Variants in WFDC5 observed in about 807,000 individuals in gnomAD.
WFDC5 encodes WAP four-disulfide core domain 5.
WFDC5 carries 15 observed loss-of-function variants against 15.7 expected under a neutral mutation model. The ratio of observed to expected loss-of-function variants is 0.96; its 90% CI spans 0.64 to 1.47. The LOEUF (loss-of-function observed/expected upper bound fraction) is 1.47. Among genes scored for constraint, WFDC5 ranks in the 40% most tolerant of loss-of-function variants. The pLI, the probability that WFDC5 is intolerant of heterozygous loss-of-function variation, is 0.00. For missense variants in WFDC5, 280 were observed against 258.0 expected, an observed-to-expected ratio of 1.09 and a Z score of -0.59; for synonymous variants, 109 against 107.7, an observed-to-expected ratio of 1.01 and a Z score of -0.07.
chr20:45,109,709 A>T (rs1270539938), exon 4 of WFDC5: 1 of 713,462 alleles, frequency 1.4e-6, no homozygotes, highest in African/African-American at 1.7e-5. Flanking sequence ...AGGAAGCAGC[A>T]TGTACGGATT....
At chr20:45,109,542 C>T (rs112924458) in exon 4 of WFDC5, 346 of 577,360 alleles carry the variant, frequency 6.0e-4, no homozygotes, top group Middle Eastern at 5.1e-3. Context: ...GTACAGGCAG[C>T]GTGCAACCTA....
chr20:45,113,911 C>T (rs890255739), intron 1 of WFDC5, among the ~76,000 whole-genome samples: 1 of 152,182 alleles, frequency 6.6e-6, no homozygotes, highest in South Asian at 2.1e-4. Flanking sequence ...TTGTCCTGTA[C>T]AGTCCTGGGT....
At position 45,115,125 on chromosome 20, in the gene WFDC5, C is replaced by T. The variant is rs1981726332; in HGVS notation, c.-42G>A. ...CAGGGCCCAGGGCCCCCCAGATTAACACCTGCAGCCTCAGGGAAGCCAGAG... is the reference window on the plus strand; with the variant it reads ...CAGGGCCCAGGGCCCCCCAGATTAATACCTGCAGCCTCAGGGAAGCCAGAG... On this transcript the variant is annotated 5_prime_UTR_variant, in exon 1 of 4. Coordinates refer to ENST00000307971, the Ensembl canonical transcript of WFDC5. The T allele has an allele frequency of 6.9e-6, 11 of 1,585,022 alleles. No homozygotes were observed. In the East Asian group the frequency reaches 1.8e-4, roughly 26 times the overall value.
At chr20:45,111,410 C>T (rs776554306) in intron 1 of WFDC5, among the ~76,000 whole-genome samples, 4 of 152,038 alleles carry the variant, frequency 2.6e-5, no homozygotes, top group African/African-American at 7.2e-5. Context: ...CTTTGCTCAC[C>T]GTTGGTCCAT....
intron 3 of WFDC5, 169 bp downstream of exon 3, chr20:45,110,231 C>G (rs1600607403): frequency 1.6e-6 from 2 of 1,288,650 alleles, no homozygotes; most frequent in East Asian, 5.1e-5. Flanking sequence ...CTCCCGGGTC[C>G]TCTGTCATCC....
chr20:45,110,987 A>G (rs978687447), intron 1 of WFDC5, among the ~76,000 whole-genome samples: 2 of 152,204 alleles, frequency 1.3e-5, no homozygotes, highest in Admixed American at 6.5e-5. Context: ...TGAGACTCAG[A>G]TGGCACAAAT....
chr20:45,109,784 C>G (rs766110669), exon 4 of WFDC5: 1 of 727,786 alleles, frequency 1.4e-6, no homozygotes, highest in South Asian at 1.5e-5. Context: ...TGGGGTGATA[C>G]AGAGGCCTTC....
At chr20:45,110,413 C>T (rs767924506) in exon 3 of WFDC5, 11 of 1,605,442 alleles carry the variant, frequency 6.9e-6, no homozygotes, top group African/African-American at 2.7e-5. Context: ...TGGCAGGATC[C>T]CGGCAATCCC....
chr20:45,113,499 TG>T (rs1981676417), intron 1 of WFDC5, among the ~76,000 whole-genome samples: 1 of 152,228 alleles, frequency 6.6e-6, no homozygotes. Flanking sequence ...GTGTGCTCCC[TG>T]GGAACACAAT....
chr20:45,114,877 ACGCACACACACACG>A (rs1981715078), intron 1 of WFDC5, 108 bp downstream of exon 1: 12 of 970,322 alleles, frequency 1.2e-5, no homozygotes, highest in Non-Finnish European at 1.7e-5. Context: ...ACACGCACGC[ACGCACACACACACG>A]CGCACACACA....
intron 2 of WFDC5, 38 bp from the exon 3 acceptor site, chr20:45,110,578 C>A: frequency 6.2e-7 from 1 of 1,614,082 alleles, no homozygotes; most frequent in Admixed American, 1.7e-5. Context: ...CGTCCTTGCC[C>A]ACTGGCCCTG....
chr20:45,110,314 T>A, intron 3 of WFDC5, 86 bp downstream of exon 3: 1 of 1,529,270 alleles, frequency 6.5e-7, no homozygotes, highest in Non-Finnish European at 8.8e-7. Flanking sequence ...TGGGGAGGCA[T>A]CCTGTTAAGC....
intron 1 of WFDC5, among the ~76,000 whole-genome samples, chr20:45,112,437 G>A (rs1981646756): frequency 6.6e-6 from 1 of 152,146 alleles, no homozygotes; most frequent in African/African-American, 2.4e-5. Context: ...TGTGGAGGTG[G>A]GGATAAAAGC....
At chr20:45,111,041 G>A (rs1981602616) in intron 1 of WFDC5, among the ~76,000 whole-genome samples, 1 of 152,202 alleles carries the variant, frequency 6.6e-6, no homozygotes, top group Non-Finnish European at 1.5e-5. Context: ...TGGCCAATAA[G>A]GCCATGCCTG....
At chr20:45,110,586 C>T in intron 2 of WFDC5, 46 bp from the exon 3 acceptor site, 1 of 1,614,024 alleles carries the variant, frequency 6.2e-7, no homozygotes. Flanking sequence ...CCCACTGGCC[C>T]TGAAGCTTGG....
At chr20:45,109,619 T>A in exon 4 of WFDC5, 2 of 629,626 alleles carry the variant, frequency 3.2e-6, no homozygotes, top group Non-Finnish European at 5.8e-6. Context: ...TTTGGAAAAC[T>A]CTGCAAGAAT....
chr20:45,109,811 T>C (rs878948086), exon 4 of WFDC5: 1 of 776,176 alleles, frequency 1.3e-6, no homozygotes, highest in Non-Finnish European at 2.3e-6. Flanking sequence ...GCTCAGGCTA[T>C]GGACTTTGAC....
intron 1 of WFDC5, among the ~76,000 whole-genome samples, chr20:45,112,825 A>C (rs1386466843): frequency 1.3e-5 from 2 of 152,200 alleles, no homozygotes; most frequent in Non-Finnish European, 2.9e-5. Context: ...ACATATATAC[A>C]TATGGACATA....
intron 1 of WFDC5, among the ~76,000 whole-genome samples, chr20:45,111,381 A>T (rs1981617509): frequency 7.1e-6 from 1 of 140,214 alleles, no homozygotes; most frequent in South Asian, 2.3e-4. Flanking sequence ...GGAGGTGAGG[A>T]GAGTAGACAC....
Sources: gnomAD v4.1 joint callset for allele counts (sites outside exome capture counted in the v4.1 genomes callset) on GRCh38, gnomAD v4.1.1 for gene constraint, MANE v1.5 for transcripts, NCBI Gene and HGNC (gene_info 2026-07-23, HGNC 2026-07-21) for gene names.